TMEM178B: variants seen among roughly 807,000 people sequenced by gnomAD.
TMEM178B encodes the protein transmembrane protein 178B.
TMEM178B carries 5 observed loss-of-function variants against 31.0 expected under a neutral mutation model. The observed-to-expected ratio is 0.16, with a 90% CI of 0.08 to 0.34. The LOEUF is 0.34. Among genes scored for constraint, TMEM178B ranks in the 10% least tolerant of loss-of-function variants. The probability of loss-of-function intolerance (pLI) is 1.00; values close to 1 mark genes in which losing one functional copy is unlikely to be tolerated. For missense variants in TMEM178B, 275 were observed against 400.3 expected (o/e 0.69, Z 2.67); for synonymous variants, 164 against 164.0 (o/e 1.00, Z 0.00).
intron 2 of TMEM178B, among the ~76,000 whole-genome samples, chr7:141,219,460 T>C (rs1286059152): frequency 6.6e-6 from 1 of 152,174 alleles, no homozygotes; most frequent in East Asian, 1.9e-4. Context: ...TGCCTCTTGC[T>C]TGCAAGACTG....
At chr7:141,384,807 G>A (rs1800400696) in intron 2 of TMEM178B, among the ~76,000 whole-genome samples, 1 of 152,112 alleles carries the variant, frequency 6.6e-6, no homozygotes, top group Non-Finnish European at 1.5e-5. Context: ...TTTACTGGCA[G>A]AGTTACCCAT....
At chr7:141,170,593 G>A (rs191347038) in intron 1 of TMEM178B, among the ~76,000 whole-genome samples, 1 of 152,270 alleles carries the variant, frequency 6.6e-6, no homozygotes, top group East Asian at 1.9e-4. Flanking sequence ...GTTACCGATG[G>A]TGTAACTGAT....
rs1263280727 is a variant in TMEM178B, at chr7:141,472,616, A to G, written c.*1830A>G. ...AGCAGAGAATCCCCTTGTTTCATAA[A>G]CAAATATGCTTTGGGAGCTTTGCCA... On this transcript the variant is annotated 3_prime_UTR_variant, in exon 4 of 4. Coordinates refer to ENST00000565468, the MANE Select transcript of TMEM178B (RefSeq NM_001195278.2). The G allele has an allele frequency of 6.6e-6, 1 of 152,180 alleles. No individual in the cohort carries two copies. The highest frequency in any genetic ancestry group is 1.5e-5 in the Non-Finnish European group (1 of 68,038). The allele number at this position is 152,180 out of a possible 1,614,324, so 9.4% of individuals were successfully genotyped here. A position where few individuals can be genotyped will look rare whatever the true frequency, so the allele number is the denominator to read the frequency against.
intron 2 of TMEM178B, among the ~76,000 whole-genome samples, chr7:141,285,057 A>T (rs1444747727): frequency 8.8e-6 from 1 of 113,360 alleles, no homozygotes; most frequent in African/African-American, 4.2e-5. Context: ...AAAGCTCTTT[A>T]AAAAAAAAAA....
chr7:141,145,411 G>A (rs765709721), intron 1 of TMEM178B, among the ~76,000 whole-genome samples: 4 of 152,184 alleles, frequency 2.6e-5, no homozygotes, highest in Non-Finnish European at 5.9e-5. Context: ...ATCTGGACAA[G>A]GAAGACCCAG....
chr7:141,387,153 C>T (rs1215274262), intron 2 of TMEM178B, among the ~76,000 whole-genome samples: 1 of 152,086 alleles, frequency 6.6e-6, no homozygotes, highest in Admixed American at 6.5e-5. Context: ...AGTCTTCCTG[C>T]TTTGAAGGAA....
chr7:141,226,430 A>G (rs1797342956), intron 2 of TMEM178B, among the ~76,000 whole-genome samples: 1 of 152,178 alleles, frequency 6.6e-6, no homozygotes, highest in Admixed American at 6.5e-5. Flanking sequence ...CCTACTCAGA[A>G]GAGATCTTTT....
Position 141,200,133 on chromosome 7 carries a change from G to A in TMEM178B, c.383-12458G>A, listed in dbSNP as rs140632783. ...TGGGCTCAAGTGATTCTCCCGCCTC[G>A]GCTTGCCAAAGTCTTAGGATGGTGG... On this transcript the variant is annotated intron_variant, in intron 1 of 3. Coordinates refer to ENST00000565468, the MANE Select transcript of TMEM178B (RefSeq NM_001195278.2). Among the ~76,000 whole-genome samples the A allele has an allele frequency of 7.9e-5, 12 of 152,190 alleles. No individual in the cohort carries two copies. The East Asian group carries it at 1.6e-3, about 20-fold the overall frequency.
At chr7:141,252,903 G>T (rs540232350) in intron 2 of TMEM178B, among the ~76,000 whole-genome samples, 1 of 152,348 alleles carries the variant, frequency 6.6e-6, no homozygotes, top group East Asian at 1.9e-4. Flanking sequence ...TCCTTGCCCT[G>T]TGAAGCTGAT....
At chr7:141,257,678 G>T (rs183828716) in intron 2 of TMEM178B, among the ~76,000 whole-genome samples, 4 of 152,272 alleles carry the variant, frequency 2.6e-5, no homozygotes, top group African/African-American at 9.6e-5. Context: ...GATGGAGCGG[G>T]GAGGCAAGGC....
intron 1 of TMEM178B, among the ~76,000 whole-genome samples, chr7:141,134,069 T>C (rs1349081406): frequency 6.6e-6 from 1 of 151,894 alleles, no homozygotes; most frequent in Non-Finnish European, 1.5e-5. Flanking sequence ...ACCCCATTTG[T>C]ACAAAAAATA....
At chr7:141,266,705 A>G (rs1241636499) in intron 2 of TMEM178B, among the ~76,000 whole-genome samples, 1 of 152,208 alleles carries the variant, frequency 6.6e-6, no homozygotes, top group Non-Finnish European at 1.5e-5. Flanking sequence ...CTCAGGACTA[A>G]GGATGACTTG....
Position 141,122,061 on chromosome 7 carries a change from T to A in TMEM178B, c.382+47369T>A, listed in dbSNP as rs147091074. On this transcript the variant is annotated intron_variant, in intron 1 of 3. Transcript: ENST00000565468. ...TAGGAGAAAAACAAGTGTTATTGGA[T>A]TTGCTCTGTCCAATTAGAAGTCTGT... 2.0e-5 allele frequency among the ~76,000 whole-genome samples: 3 copies of A among 152,322 alleles called. No homozygotes were observed. The East Asian group carries it at 5.8e-4, about 29-fold the overall frequency.
chr7:141,450,564 C>A (rs956911216), intron 3 of TMEM178B, among the ~76,000 whole-genome samples: 1 of 152,112 alleles, frequency 6.6e-6, no homozygotes, highest in Non-Finnish European at 1.5e-5. Context: ...ATTCTTGGGG[C>A]AGGAAGTTTG....
chr7:141,089,127 C>G (rs1463911995), intron 1 of TMEM178B, among the ~76,000 whole-genome samples: 1 of 152,114 alleles, frequency 6.6e-6, no homozygotes, highest in African/African-American at 2.4e-5. Context: ...TATGGGTAAG[C>G]AAATAAATAC....
intron 1 of TMEM178B, among the ~76,000 whole-genome samples, chr7:141,104,563 T>C (rs903667987): frequency 7.2e-5 from 11 of 152,258 alleles, no homozygotes; most frequent in Non-Finnish European, 1.6e-4. Context: ...CTCTCGCTCA[T>C]TGAGACTGAA....
chr7:141,183,327 G>A (rs909774416), intron 1 of TMEM178B, among the ~76,000 whole-genome samples: 1 of 152,194 alleles, frequency 6.6e-6, no homozygotes, highest in African/African-American at 2.4e-5. Context: ...TGGGTCCTCT[G>A]ATTTGCCCTT....
At chr7:141,107,955 G>A (rs2129174673) in intron 1 of TMEM178B, among the ~76,000 whole-genome samples, 1 of 152,336 alleles carries the variant, frequency 6.6e-6, no homozygotes, top group East Asian at 1.9e-4. Context: ...AGTTTGTGGT[G>A]TTCTGGAGGT....
At chr7:141,122,005 C>T (rs1385007515) in intron 1 of TMEM178B, among the ~76,000 whole-genome samples, 1 of 152,124 alleles carries the variant, frequency 6.6e-6, no homozygotes, top group Non-Finnish European at 1.5e-5. Context: ...CCACTTAAAC[C>T]CTTTCCTTCC....
Sources: gnomAD v4.1 joint callset for allele counts (sites outside exome capture counted in the v4.1 genomes callset) on GRCh38, gnomAD v4.1.1 for gene constraint, MANE v1.5 for transcripts, NCBI Gene and HGNC (gene_info 2026-07-23, HGNC 2026-07-21) for gene names.